Variants in CCNY observed in about 807,000 individuals in gnomAD.
CCNY encodes cyclin Y.
In CCNY, 19 loss-of-function variants were observed where a neutral mutation model predicts 42.8. The observed-to-expected ratio is 0.44, with a 90% confidence interval of 0.31 to 0.65. The LOEUF is 0.65. Among genes scored for constraint, CCNY ranks in the 30% least tolerant of loss-of-function variants. The pLI, the probability that CCNY is intolerant of heterozygous loss-of-function variation, is 0.07. For synonymous variants in CCNY, 165 were observed against 162.7 expected (o/e 1.01, Z -0.11); for missense variants, 370 against 437.3 (o/e 0.85, Z 1.37).
intron 3 of CCNY, among the ~76,000 whole-genome samples, chr10:35,295,034 A>C (rs1835454811): frequency 6.6e-6 from 1 of 151,866 alleles, no homozygotes; most frequent in African/African-American, 2.4e-5. Flanking sequence ...TGGGACCTGT[A>C]GTCCCAGCTA....
chr10:35,466,485 C>T (rs535351788), intron 1 of CCNY, among the ~76,000 whole-genome samples: 16 of 152,118 alleles, frequency 1.1e-4, no homozygotes, highest in Non-Finnish European at 2.1e-4. Flanking sequence ...TGGCAGCTAG[C>T]GAGAGCTTGC....
At position 35,422,169 on chromosome 10, in the gene CCNY, A is replaced by C. The variant is rs201803549; in HGVS notation, c.155-61235A>C. ...ATTTTACACCTTTCTATTCTTTTAA[A>C]ATTTTTTTAAAATTTAAATTTAAAA... On this transcript the variant is annotated intron_variant, in intron 1 of 9. Coordinates refer to ENST00000374704, the MANE Select transcript of CCNY (RefSeq NM_145012.6). 2.0e-5 allele frequency among the ~76,000 whole-genome samples: 3 copies of C among 152,180 alleles called. No homozygotes were observed. The East Asian group carries it at 5.8e-4, about 29-fold the overall frequency.
chr10:35,326,180 ACT>A (rs1835878384), intron 3 of CCNY, among the ~76,000 whole-genome samples: 1 of 151,844 alleles, frequency 6.6e-6, no homozygotes, highest in Non-Finnish European at 1.5e-5. Flanking sequence ...ACAGAGTCTC[ACT>A]CTGTCATCCA....
intron 1 of CCNY, among the ~76,000 whole-genome samples, chr10:35,358,639 C>G (rs183469825): frequency 1.6e-3 from 238 of 152,294 alleles, no homozygotes; most frequent in African/African-American, 5.2e-3. Flanking sequence ...AAAGGCCTGA[C>G]CTGTAGATAC....
At chr10:35,507,973 G>T (rs1296985767) in intron 3 of CCNY, among the ~76,000 whole-genome samples, 1 of 152,086 alleles carries the variant, frequency 6.6e-6, no homozygotes, top group East Asian at 1.9e-4. Context: ...TTTGATTACC[G>T]GGCAAGGTGC....
chr10:35,532,469 A>C (rs527248034), intron 7 of CCNY, among the ~76,000 whole-genome samples: 5 of 152,228 alleles, frequency 3.3e-5, no homozygotes, highest in African/African-American at 7.2e-5. Flanking sequence ...CAAACACCCA[A>C]ACCTACTTCA....
chr10:35,403,529 T>A (rs1837690935), intron 1 of CCNY, among the ~76,000 whole-genome samples: 1 of 152,172 alleles, frequency 6.6e-6, no homozygotes, highest in Non-Finnish European at 1.5e-5. Context: ...TGATGTCCTT[T>A]GGTGGTCCTT....
chr10:35,326,220 C>A (rs1257770330), intron 3 of CCNY, among the ~76,000 whole-genome samples: 1 of 151,284 alleles, frequency 6.6e-6, no homozygotes, highest in Non-Finnish European at 1.5e-5. Context: ...CAGTGGAGTG[C>A]CTGGCCTGGA....
chr10:35,458,218 C>A (rs977267250), intron 1 of CCNY, among the ~76,000 whole-genome samples: 1 of 152,194 alleles, frequency 6.6e-6, no homozygotes, highest in African/African-American at 2.4e-5. Context: ...ACCCATTGCA[C>A]CTCAGAGTTG....
chr10:35,487,805 G>A (rs113249376), intron 2 of CCNY, among the ~76,000 whole-genome samples: 1,579 of 152,274 alleles, frequency 0.01, 24 homozygotes, highest in African/African-American at 0.036. Context: ...CCACTCAGCA[G>A]AGAAGGGACC....
At chr10:35,307,196 G>A (rs1392960505) in intron 3 of CCNY, among the ~76,000 whole-genome samples, 3 of 152,148 alleles carry the variant, frequency 2.0e-5, no homozygotes, top group Non-Finnish European at 4.4e-5. Context: ...CGGGTTAAGC[G>A]AGTTTATAAA....
intron 1 of CCNY, among the ~76,000 whole-genome samples, chr10:35,406,184 T>C (rs1837756990): frequency 1.4e-5 from 2 of 147,072 alleles, no homozygotes; most frequent in African/African-American, 2.5e-5. Flanking sequence ...GCTTTTTCTT[T>C]TTTTTTTTCT....
intron 3 of CCNY, among the ~76,000 whole-genome samples, chr10:35,514,387 T>G (rs1206318562): frequency 2.0e-5 from 3 of 152,208 alleles, no homozygotes; most frequent in African/African-American, 7.2e-5. Context: ...AGATCAGCCC[T>G]TAGTTCTGGG....
chr10:35,426,559 A>G (rs937501801), intron 1 of CCNY, among the ~76,000 whole-genome samples: 3 of 152,232 alleles, frequency 2.0e-5, no homozygotes, highest in Non-Finnish European at 2.9e-5. Context: ...TACTGCTTAA[A>G]ATGCTGTGTT....
intron 1 of CCNY, among the ~76,000 whole-genome samples, chr10:35,383,107 ATCTGTG>A (rs1476880324): frequency 7.9e-5 from 12 of 152,172 alleles, no homozygotes; most frequent in Admixed American, 5.9e-4. Context: ...CTTTTTCTGT[ATCTGTG>A]GGTTCTACAG....
At chr10:35,516,657 CTTCCTT>C (rs1840432846) in intron 4 of CCNY, 34 bp downstream of exon 4, 25 of 808,626 alleles carry the variant, frequency 3.1e-5, no homozygotes, top group African/African-American at 2.8e-4. Context: ...TCCTTCCTTC[CTTCCTT>C]TTTTTTTTTT....
At chr10:35,396,611 C>T (rs779245935) in intron 1 of CCNY, among the ~76,000 whole-genome samples, 10 of 152,254 alleles carry the variant, frequency 6.6e-5, no homozygotes, top group Non-Finnish European at 1.2e-4. Context: ...GGGGAGAGAG[C>T]GCTCCAGCCT....
At chr10:35,553,752 G>A (rs1172753295) in intron 8 of CCNY, among the ~76,000 whole-genome samples, 1 of 152,146 alleles carries the variant, frequency 6.6e-6, no homozygotes, top group Non-Finnish European at 1.5e-5. Context: ...TCGCCCTTGG[G>A]GGTTGTGGGG....
intron 3 of CCNY, among the ~76,000 whole-genome samples, chr10:35,252,724 T>G (rs1255267049): frequency 6.6e-6 from 1 of 152,012 alleles, no homozygotes; most frequent in Non-Finnish European, 1.5e-5. Context: ...GCAGAGGGAG[T>G]AAATAAAGCG....
Sources: gnomAD v4.1 joint callset for allele counts (sites outside exome capture counted in the v4.1 genomes callset) on GRCh38, gnomAD v4.1.1 for gene constraint, MANE v1.5 for transcripts, NCBI Gene and HGNC (gene_info 2026-07-23, HGNC 2026-07-21) for gene names.